The following SHISA6 variants were observed in gnomAD, a reference collection of about 807,000 sequenced individuals.
SHISA6 encodes the protein shisa family member 6, also known as protein shisa-6.
A neutral mutation model predicts 47.9 loss-of-function variants in SHISA6; 22 were observed. The observed-to-expected ratio is 0.46, with a 90% CI of 0.33 to 0.66. The LOEUF (loss-of-function observed/expected upper bound fraction) is 0.66. Ranked by LOEUF, SHISA6 falls within the 30% of genes least tolerant of loss-of-function variation. The pLI, the probability that SHISA6 is intolerant of heterozygous loss-of-function variation, is 0.02. For missense variants in SHISA6, 680 were observed against 764.6 expected (o/e 0.89, Z 1.30); for synonymous variants, 388 against 337.8 (o/e 1.15, Z -1.63).
chr17:11,284,157 G>T (rs1181991844), intron 2 of SHISA6, among the ~76,000 whole-genome samples: 2 of 152,222 alleles, frequency 1.3e-5, no homozygotes, highest in Non-Finnish European at 2.9e-5. Context: ...GTAAGGAAAT[G>T]ATTCATATCA....
intron 2 of SHISA6, among the ~76,000 whole-genome samples, chr17:11,274,649 G>A (rs1443167802): frequency 6.6e-6 from 1 of 152,152 alleles, no homozygotes; most frequent in Non-Finnish European, 1.5e-5. Context: ...AGGAGGAGAC[G>A]GCATCCGTAG....
At chr17:11,339,351 G>A (rs1038098650) in intron 2 of SHISA6, among the ~76,000 whole-genome samples, 1 of 152,028 alleles carries the variant, frequency 6.6e-6, no homozygotes, top group Non-Finnish European at 1.5e-5. Context: ...AAACATGAGC[G>A]AAAGATCTGA....
chr17:11,459,568 C>T (rs1915646574), intron 3 of SHISA6, among the ~76,000 whole-genome samples: 1 of 152,186 alleles, frequency 6.6e-6, no homozygotes, highest in African/African-American at 2.4e-5. Flanking sequence ...CTCTTTCTGC[C>T]TGGATCCAGC....
chr17:11,257,536 C>T (rs1047524260), intron 1 of SHISA6, among the ~76,000 whole-genome samples: 4 of 151,782 alleles, frequency 2.6e-5, no homozygotes, highest in Non-Finnish European at 5.9e-5. Context: ...TGGTGCTTGC[C>T]TATAGTATCA....
chr17:11,241,540 G>T lies in SHISA6; in HGVS notation c.118G>T (p.Ala40Ser), dbSNP rs1329587218. Residue 40 changes from alanine (A) to serine (S), a missense_variant, in exon 1 of 6, where the codon GCT (alanine) becomes TCT (serine). This residue lies in a region of SHISA6 where 121 missense variants were observed against 90.5 expected (regional missense o/e 1.34). Transcript: ENST00000441885. The surrounding 1 kb of genome is among the most constrained non-coding windows in gnomAD (Gnocchi z 5.5). The part of the protein sequence containing the change: ...AANRTLSAGG[A>S]AVGGRRAGGA... ...CAACCGGACCCTGAGTGCAGGCGGCGCTGCCGTCGGGGGCCGGAGGGCCGG... is the reference window on the plus strand; with the variant it reads ...CAACCGGACCCTGAGTGCAGGCGGCTCTGCCGTCGGGGGCCGGAGGGCCGG... 1.2e-5 allele frequency: 13 copies of T among 1,089,568 alleles called. No individual in the cohort carries two copies. The Admixed American group carries it at 6.9e-4, about 58-fold the overall frequency. 67.5% of individuals were successfully genotyped at this position (1,089,568 alleles called of 1,614,324 possible).
chr17:11,247,707 C>G (rs1399699964), intron 1 of SHISA6, among the ~76,000 whole-genome samples: 1 of 151,490 alleles, frequency 6.6e-6, no homozygotes, highest in Non-Finnish European at 1.5e-5. Flanking sequence ...CTTTTCTTTA[C>G]CTTGGGAAAC....
intron 3 of SHISA6, among the ~76,000 whole-genome samples, chr17:11,515,077 G>T (rs1397649136): frequency 1.3e-5 from 2 of 151,952 alleles, no homozygotes; most frequent in Admixed American, 6.6e-5. Context: ...CACTGTCAGG[G>T]AGCATGTGGT....
intron 2 of SHISA6, among the ~76,000 whole-genome samples, chr17:11,360,335 G>A (rs1002630626): frequency 6.6e-6 from 1 of 152,128 alleles, no homozygotes; most frequent in South Asian, 2.1e-4. Flanking sequence ...TGAGGCGGGT[G>A]GATCATGAGG....
intron 3 of SHISA6, among the ~76,000 whole-genome samples, chr17:11,532,883 C>T (rs912768767): frequency 1.3e-5 from 2 of 151,670 alleles, no homozygotes; most frequent in African/African-American, 4.8e-5. Context: ...TTCCACTGGG[C>T]ATATGGTTAC....
intron 2 of SHISA6, among the ~76,000 whole-genome samples, chr17:11,333,293 A>T (rs886779635): frequency 1.3e-5 from 2 of 152,122 alleles, no homozygotes; most frequent in African/African-American, 4.8e-5. Context: ...GGTTCCTGAC[A>T]CGGAACTCCT....
intron 2 of SHISA6, among the ~76,000 whole-genome samples, chr17:11,369,543 C>CGTTAA (rs1430280997): frequency 1.3e-5 from 2 of 152,204 alleles, no homozygotes; most frequent in Non-Finnish European, 2.9e-5. Context: ...GCCCCATGGG[C>CGTTAA]TAACACACCA....
chr17:11,387,864 A>G (rs117081012), intron 3 of SHISA6, among the ~76,000 whole-genome samples: 5,548 of 152,188 alleles, frequency 0.036, 187 homozygotes, highest in Admixed American at 0.088. Flanking sequence ...AGCTTGCTTT[A>G]TCTCCTCAGC....
intron 3 of SHISA6, among the ~76,000 whole-genome samples, chr17:11,474,985 T>A (rs1916019611): frequency 6.6e-6 from 1 of 152,176 alleles, no homozygotes. Context: ...ACATGGAATA[T>A]TCCTCCATTT....
At chr17:11,474,045 G>A (rs1384418902) in intron 3 of SHISA6, among the ~76,000 whole-genome samples, 2 of 152,070 alleles carry the variant, frequency 1.3e-5, no homozygotes, top group Non-Finnish European at 2.9e-5. Flanking sequence ...TGTTGAGAAT[G>A]ATGGCTTCCA....
intron 3 of SHISA6, among the ~76,000 whole-genome samples, chr17:11,430,508 T>TG (rs1158808516): frequency 1.3e-5 from 2 of 152,158 alleles, no homozygotes; most frequent in Non-Finnish European, 2.9e-5. Context: ...TTTGGAGTCA[T>TG]GGGGGGTTTG....
intron 2 of SHISA6, among the ~76,000 whole-genome samples, chr17:11,375,157 AT>A (rs772338895): frequency 2.2e-4 from 33 of 152,272 alleles, no homozygotes; most frequent in Non-Finnish European, 4.0e-4. Flanking sequence ...GTACTTGATT[AT>A]TTCTTTTGAT....
chr17:11,403,499 T>C (rs1229374888), intron 3 of SHISA6, among the ~76,000 whole-genome samples: 8 of 152,162 alleles, frequency 5.3e-5, no homozygotes. Flanking sequence ...AGATGGGTTC[T>C]TGGGAGGGAG....
intron 2 of SHISA6, among the ~76,000 whole-genome samples, chr17:11,365,848 T>A (rs1912431487): frequency 6.6e-6 from 1 of 152,192 alleles, no homozygotes; most frequent in Non-Finnish European, 1.5e-5. Flanking sequence ...AGTAATGTGA[T>A]AGAGAATGTT....
chr17:11,530,025 A>C (rs560057621), intron 3 of SHISA6, among the ~76,000 whole-genome samples: 6 of 152,246 alleles, frequency 3.9e-5, no homozygotes, highest in Admixed American at 2.6e-4. Flanking sequence ...ACAAAAAAAA[A>C]CACCTAGTGC....
Sources: allele counts gnomAD v4.1 joint callset (sites outside exome capture counted in the v4.1 genomes callset), GRCh38; gene constraint gnomAD v4.1.1; regional missense constraint gnomAD v4.1.1; non-coding constraint Gnocchi (gnomAD v3.1); transcripts MANE v1.5; gene names NCBI Gene and HGNC (gene_info 2026-07-23, HGNC 2026-07-21).